LMO2: variants seen among roughly 807,000 people sequenced by gnomAD.
LMO2 encodes the protein rhombotin-2.
In LMO2, 20 loss-of-function variants were observed where a neutral mutation model predicts 23.2. That is an observed-to-expected ratio of 0.86 (90% CI 0.61 to 1.25). The LOEUF (loss-of-function observed/expected upper bound fraction) is 1.25. Among genes scored for constraint, LMO2 ranks in the 50% most tolerant of loss-of-function variants. The pLI is 0.00. For missense variants in LMO2, 270 were observed against 315.3 expected, an observed-to-expected ratio of 0.86 and a Z score of 1.09; for synonymous variants, 123 against 130.2, an observed-to-expected ratio of 0.94 and a Z score of 0.38.
chr11:33,878,512 T>C (rs1857190427), intron 2 of LMO2, among the ~76,000 whole-genome samples: 1 of 152,200 alleles, frequency 6.6e-6, no homozygotes, highest in South Asian at 2.1e-4. Flanking sequence ...ATGATAAATG[T>C]AGGGTTAGGA....
intron 4 of LMO2, among the ~76,000 whole-genome samples, chr11:33,867,558 A>C (rs1856832623): frequency 1.3e-5 from 2 of 152,206 alleles, no homozygotes; most frequent in Non-Finnish European, 2.9e-5. Context: ...GTATCATTTA[A>C]GCCTGGATTT....
intron 2 of LMO2, among the ~76,000 whole-genome samples, chr11:33,879,418 G>A (rs532342580): frequency 4.0e-5 from 6 of 149,414 alleles, no homozygotes; most frequent in South Asian, 2.1e-4. Context: ...TCAGGAGTTC[G>A]AGACCAGCCT....
At chr11:33,877,514 G>C (rs1185013532) in intron 2 of LMO2, among the ~76,000 whole-genome samples, 2 of 143,654 alleles carry the variant, frequency 1.4e-5, no homozygotes, top group South Asian at 2.2e-4. Context: ...ACCCAGGCTG[G>C]AGTGCGGTGG....
At position 33,869,310 on chromosome 11, in the gene LMO2, C is replaced by T. The variant is rs1024675155; in HGVS notation, c.248+36G>A. On this transcript the variant is annotated intron_variant, in intron 4 of 5. Transcript: ENST00000257818. ...ACGCTCCGGGACGCGAGGCCGTGGACACCGGGGGTGGCAGGGGCAGGGGGG... is the reference window on the plus strand; with the variant it reads ...ACGCTCCGGGACGCGAGGCCGTGGATACCGGGGGTGGCAGGGGCAGGGGGG... 3 of 1,155,036 alleles carry T rather than the reference C, an allele frequency of 2.6e-6. No individual in the cohort carries two copies. The African/African-American group carries it at 4.9e-5, about 19-fold the overall frequency. The allele number at this position is 1,155,036 out of a possible 1,614,324, so 71.5% of individuals were successfully genotyped here.
In LMO2 at chr11:33,869,750, T is replaced by C. The variant is rs1856948789; in HGVS notation, c.-34A>G. On this transcript the variant is annotated 5_prime_UTR_variant, in exon 3 of 6. Coordinates refer to ENST00000257818, the MANE Select transcript of LMO2 (RefSeq NM_005574.4). Reference sequence around the variant, plus strand: ...CGCCGCCGCCACCGCCCGGTCCCTCTCGCGCGCTGTCGCCGGCTCCGCGCC... The same window carrying C: ...CGCCGCCGCCACCGCCCGGTCCCTCCCGCGCGCTGTCGCCGGCTCCGCGCC... 1.6e-6 allele frequency: 2 copies of C among 1,236,124 alleles called. No individual in the cohort carries two copies. The highest frequency in any genetic ancestry group is 2.0e-6 in the Non-Finnish European group (2 of 978,276). The allele number at this position is 1,236,124 out of a possible 1,614,324, so 76.6% of individuals were successfully genotyped here.
chr11:33,891,221 G>A (rs886431026), intron 1 of LMO2, among the ~76,000 whole-genome samples: 7 of 152,066 alleles, frequency 4.6e-5, no homozygotes, highest in Non-Finnish European at 1.0e-4. Flanking sequence ...ACCTCCTTGG[G>A]AGCCAAGGCT....
rs765775577 is a variant in LMO2, at chr11:33,859,534, C to T, written c.506G>A (p.Arg169Gln). 5.6e-6 allele frequency: 9 copies of T among 1,613,892 alleles called. No individual in the cohort carries two copies. Among genetic ancestry groups the T allele is most frequent in the South Asian group, 2.2e-5 (2 of 91,074 alleles). Reference sequence around the variant, plus strand: ...CATTGTCATCTCATAGGCACGAATCCGCTTGTCACAGGATGCGCAGAGACC... The same window carrying T: ...CATTGTCATCTCATAGGCACGAATCTGCTTGTCACAGGATGCGCAGAGACC... ...QDGLCASCDK[R>Q]IRAYEMTMRV... is the part of the protein sequence containing the mutation. Residue 169 changes from arginine (R) to glutamine (Q), a missense_variant, in exon 6 of 6, where the codon CGG becomes CAG. Physicochemically the swap from Arg to Gln is conservative, Grantham distance 43 (BLOSUM62 1). Transcript: ENST00000257818.
At chr11:33,871,497 G>A (rs1465672980) in intron 2 of LMO2, among the ~76,000 whole-genome samples, 1 of 148,120 alleles carries the variant, frequency 6.8e-6, no homozygotes, top group African/African-American at 2.5e-5. Context: ...GAGCCCAGGA[G>A]GTTGAGGCTG....
At chr11:33,878,943 T>C (rs1393509653) in intron 2 of LMO2, among the ~76,000 whole-genome samples, 1 of 152,234 alleles carries the variant, frequency 6.6e-6, no homozygotes, top group Non-Finnish European at 1.5e-5. Flanking sequence ...AGCCTTCAAA[T>C]ATCACATCCA....
chr11:33,869,562 C>T lies in LMO2; in HGVS notation c.32G>A (p.Arg11His). ...CTCCGCCGGCGAGCTCGCCCCTCCG[C>T]GCTCAAGGACAGTCACCGCGCTCCC... MEGSAVTVLE[R>H]GGASSPAERR... is the part of the protein sequence containing the mutation. Residue 11 changes from arginine to histidine, a missense_variant, in exon 4 of 6, where the codon CGC becomes CAC. Coordinates refer to ENST00000257818, the MANE Select transcript of LMO2 (RefSeq NM_005574.4). The T allele has an allele frequency of 2.3e-6, 3 of 1,295,348 alleles. No individual in the cohort carries two copies. Among genetic ancestry groups the T allele is most frequent in the Middle Eastern group, 2.3e-4 (1 of 4,300 alleles). 80.2% of individuals were successfully genotyped at this position (1,295,348 alleles called of 1,614,324 possible).
At chr11:33,875,564 G>C in intron 2 of LMO2, among the ~76,000 whole-genome samples, 1 of 95,990 alleles carries the variant, frequency 1.0e-5, no homozygotes, top group Admixed American at 1.4e-4. Context: ...GGCGATAAGA[G>C]CAAAACTCCT....
In LMO2 at chr11:33,864,113, G is replaced by A. The variant is rs904298543; in HGVS notation, c.464+489C>T. ...GCCTTCCTGCTATGAGTCAATGCTT[G>A]GAGCTCCATATGCTTTCTATTTTTA... On this transcript the variant is annotated intron_variant, in intron 5 of 5. Coordinates refer to ENST00000257818, the MANE Select transcript of LMO2 (RefSeq NM_005574.4). The surrounding 1 kb of genome is among the most constrained non-coding windows in gnomAD (Gnocchi z 4.8). 6.6e-6 allele frequency among the ~76,000 whole-genome samples: 1 copy of A among 152,122 alleles called. No homozygotes were observed. The highest frequency in any genetic ancestry group is 2.4e-5 in the African/African-American group (1 of 41,400).
intron 1 of LMO2, among the ~76,000 whole-genome samples, chr11:33,884,394 G>A (rs1857357107): frequency 6.6e-6 from 1 of 152,108 alleles, no homozygotes; most frequent in Non-Finnish European, 1.5e-5. Flanking sequence ...GAGGTGAGTG[G>A]GGCTGAGTGG....
chr11:33,885,022 G>A (rs1184135412), intron 1 of LMO2, among the ~76,000 whole-genome samples: 6 of 152,204 alleles, frequency 3.9e-5, no homozygotes, highest in African/African-American at 1.4e-4. Context: ...CCCAAGTCAT[G>A]CTTATACCCA....
chr11:33,886,285 G>T (rs1313453689), intron 1 of LMO2, among the ~76,000 whole-genome samples: 1 of 152,200 alleles, frequency 6.6e-6, no homozygotes. Context: ...TTTAGAAGGG[G>T]TGCTGGAGGA....
intron 2 of LMO2, among the ~76,000 whole-genome samples, chr11:33,875,284 A>C (rs1446333802): frequency 6.6e-6 from 1 of 152,210 alleles, no homozygotes; most frequent in Non-Finnish European, 1.5e-5. Flanking sequence ...TCTAACTTTA[A>C]AATGTTTGGG....
intron 1 of LMO2, among the ~76,000 whole-genome samples, chr11:33,883,424 T>C (rs2133715052): frequency 6.6e-6 from 1 of 152,312 alleles, no homozygotes; most frequent in East Asian, 1.9e-4. Flanking sequence ...AAGAGGAAGA[T>C]GACACAGAAA....
chr11:33,888,806 CGTATCCGCAG>C (rs1565038932), intron 1 of LMO2, among the ~76,000 whole-genome samples: 1 of 152,212 alleles, frequency 6.6e-6, no homozygotes, highest in Non-Finnish European at 1.5e-5. Flanking sequence ...TTGACGTCTA[CGTATCCGCAG>C]TGCCTAGAAC....
chr11:33,890,670 C>G (rs553672660), intron 1 of LMO2, among the ~76,000 whole-genome samples: 1 of 152,192 alleles, frequency 6.6e-6, no homozygotes, highest in South Asian at 2.1e-4. Context: ...TTTTAAAAAC[C>G]TAGAGGTGAG....
Sources: gnomAD v4.1 joint callset for allele counts (sites outside exome capture counted in the v4.1 genomes callset) on GRCh38, gnomAD v4.1.1 for gene constraint, Gnocchi (gnomAD v3.1) non-coding constraint, MANE v1.5 for transcripts, NCBI Gene and HGNC (gene_info 2026-07-23, HGNC 2026-07-21) for gene names.